Variants in NBEAL1 observed in about 807,000 individuals in gnomAD.
NBEAL1 encodes the protein neurobeachin-like protein 1.
Under a neutral mutation model 351.3 loss-of-function variants are expected in NBEAL1, and 273 were observed. That is an observed-to-expected ratio of 0.78 (90% CI 0.70 to 0.86). The LOEUF is 0.86. Among genes scored for constraint, NBEAL1 ranks in the 40% least tolerant of loss-of-function variants. NBEAL1 has a pLI of 0.00. For synonymous variants in NBEAL1, 1,050 were observed against 1,086.4 expected (o/e 0.97, Z 0.66); for missense variants, 2,961 against 3,201.3 (o/e 0.92, Z 1.81).
chr2:203,091,584 C>T (rs1168031250), intron 10 of NBEAL1, among the ~76,000 whole-genome samples: 2 of 152,078 alleles, frequency 1.3e-5, no homozygotes, highest in African/African-American at 4.8e-5. Context: ...TACATTCATA[C>T]CAACAGTGCA....
At chr2:203,111,007 G>T (rs189587539) in intron 15 of NBEAL1, among the ~76,000 whole-genome samples, 2 of 151,890 alleles carry the variant, frequency 1.3e-5, no homozygotes, top group African/African-American at 2.4e-5. Flanking sequence ...CTTGTGATCC[G>T]CCCATCTCTA....
Position 203,113,110 on chromosome 2 carries a change from C to A in NBEAL1, c.2298C>A (p.Thr766=). ...ATCCACCTTTCTCTTCTCCCATTAC[C>A]CCTCATCGGACATCATTTGGTGGAA... ...IPDPPFSSPI[T]PHRTSFGGIL... is the part of the protein sequence containing the mutation. The change falls in exon 17 of 56, where the codon ACC becomes ACA. Residue 766 remains threonine, a synonymous_variant. Coordinates refer to ENST00000683969, the MANE Select transcript of NBEAL1 (RefSeq NM_001378026.1). 1 of 1,552,884 alleles carries A rather than the reference C, an allele frequency of 6.4e-7. No homozygotes were observed. Among genetic ancestry groups the A allele is most frequent in the Non-Finnish European group, 8.7e-7 (1 of 1,147,238 alleles).
chr2:203,099,655 G>T lies in NBEAL1; in HGVS notation c.1212G>T (p.Leu404Phe), dbSNP rs1210246242. ...DQVFQGQLDC[L>F]AISTIQALTA... ...TGTTTCAGGGACAATTGGATTGTTTGGCCATATCAACCATTCAGGCTTTGA... is the reference window on the plus strand; with the variant it reads ...TGTTTCAGGGACAATTGGATTGTTTTGCCATATCAACCATTCAGGCTTTGA... Residue 404 changes from leucine to phenylalanine, a missense_variant, in exon 12 of 56, where the codon TTG becomes TTT. Physicochemically the swap from Leu to Phe is conservative, Grantham distance 22. Transcript: ENST00000683969. 2 of 1,551,290 alleles carry T rather than the reference G, an allele frequency of 1.3e-6. No individual in the cohort carries two copies. Among genetic ancestry groups the T allele is most frequent in the Non-Finnish European group, 8.7e-7 (1 of 1,146,652 alleles).
intron 17 of NBEAL1, among the ~76,000 whole-genome samples, chr2:203,114,976 T>A (rs551494465): frequency 2.6e-5 from 4 of 152,290 alleles, no homozygotes; most frequent in African/African-American, 9.6e-5. Context: ...GGTCTTGAAC[T>A]CCTGGCCTCA....
chr2:203,171,879 G>T, intron 39 of NBEAL1, 49 bp from the exon 40 acceptor site: 2 of 1,000,950 alleles, frequency 2.0e-6, no homozygotes, highest in Non-Finnish European at 3.0e-6. Context: ...CAATGTCTAA[G>T]AGATGTAGAT....
chr2:203,176,171 C>CTTTTTTTT (rs34311199), intron 42 of NBEAL1, among the ~76,000 whole-genome samples: 1 of 122,896 alleles, frequency 8.1e-6, no homozygotes, highest in African/African-American at 3.0e-5. Context: ...TTTATTGCAT[C>CTTTTTTTT]TTTTTTTTTT....
At chr2:203,140,445 T>A (rs941841749) in intron 31 of NBEAL1, among the ~76,000 whole-genome samples, 2 of 152,160 alleles carry the variant, frequency 1.3e-5, no homozygotes, top group Non-Finnish European at 2.9e-5. Context: ...TGTCATGTTT[T>A]CGGATGATTT....
Position 203,217,717 on chromosome 2 carries a change from C to T in NBEAL1, c.*363C>T. The T allele has an allele frequency of 2.1e-6, 2 of 968,732 alleles. No homozygotes were observed. Among genetic ancestry groups the T allele is most frequent in the Non-Finnish European group, 2.5e-6 (2 of 814,312 alleles). 60.0% of individuals were successfully genotyped at this position (968,732 alleles called of 1,614,324 possible). A position where few individuals can be genotyped will look rare whatever the true frequency, so the allele number is the denominator to read the frequency against. On this transcript the variant is annotated 3_prime_UTR_variant, in exon 56 of 56. Transcript: ENST00000683969. ...TGAGAGAGATGGCTTTAAATACATTCTTAAGTAATCATTTTCCTATTTACT... is the reference window on the plus strand; with the variant it reads ...TGAGAGAGATGGCTTTAAATACATTTTTAAGTAATCATTTTCCTATTTACT...
intron 4 of NBEAL1, among the ~76,000 whole-genome samples, chr2:203,052,965 G>A (rs2061347365): frequency 6.6e-6 from 1 of 151,972 alleles, no homozygotes; most frequent in African/African-American, 2.4e-5. Flanking sequence ...ACCACAGTTT[G>A]TTTATTCATT....
intron 36 of NBEAL1, among the ~76,000 whole-genome samples, chr2:203,165,841 A>G (rs2064114398): frequency 6.6e-6 from 1 of 152,100 alleles, no homozygotes; most frequent in Admixed American, 6.6e-5. Context: ...TCAGGAGATC[A>G]AAACCAGCCT....
intron 2 of NBEAL1, among the ~76,000 whole-genome samples, chr2:203,031,350 G>A (rs184760799): frequency 2.6e-4 from 39 of 152,240 alleles, no homozygotes; most frequent in African/African-American, 8.9e-4. Flanking sequence ...TATTTGCTTC[G>A]TTAATGTCAA....
At chr2:203,097,233 A>G (rs1216168454) in intron 10 of NBEAL1, among the ~76,000 whole-genome samples, 1 of 152,234 alleles carries the variant, frequency 6.6e-6, no homozygotes, top group Non-Finnish European at 1.5e-5. Context: ...GGGTGGGGAC[A>G]CAGAGCCAAA....
At chr2:203,052,844 C>T (rs2061345445) in intron 4 of NBEAL1, among the ~76,000 whole-genome samples, 1 of 151,930 alleles carries the variant, frequency 6.6e-6, no homozygotes. Context: ...CCTTGACCTC[C>T]CAAGGTGCTG....
In NBEAL1 at chr2:203,136,022, G is replaced by A; in HGVS notation, c.4159G>A (p.Glu1387Lys). The A allele has an allele frequency of 6.2e-7, 1 of 1,613,538 alleles. No homozygotes were observed. The highest frequency in any genetic ancestry group is 1.7e-5 in the Admixed American group (1 of 59,940). ...TGTGGGAGAATTGTCTTTCAAATCA[G>A]AGAATCAAGAGGAATTCTGGCATAG... Reference protein sequence around the residue: ...SSVGELSFKSENQEEFWHSNP... With the variant: ...SSVGELSFKSKNQEEFWHSNP... Residue 1387 changes from glutamate (E) to lysine (K), a missense_variant, in exon 28 of 56, where the codon GAG becomes AAG. Physicochemically the swap from Glu to Lys is moderately conservative, Grantham distance 56. Coordinates refer to ENST00000683969, the MANE Select transcript of NBEAL1 (RefSeq NM_001378026.1).
At chr2:203,185,376 A>G (rs2064864593) in intron 44 of NBEAL1, among the ~76,000 whole-genome samples, 1 of 152,184 alleles carries the variant, frequency 6.6e-6, no homozygotes, top group African/African-American at 2.4e-5. Flanking sequence ...CAGTGGCTTA[A>G]AAGTATAGCC....
rs369951181 is a variant in NBEAL1, at chr2:203,217,299, G to T, written c.8117G>T (p.Arg2706Leu). Residue 2706 changes from arginine to leucine, a missense_variant, in exon 56 of 56, where the codon CGG becomes CTG. Transcript: ENST00000683969. ...CGAAAATTTTGGGGATCGAGCAAGC[G>T]GCTCAGCCAGATTTCAGCTGGAGAA... ...LSRKFWGSSK[R>L]LSQISAGETE... 4 of 1,600,730 alleles carry T rather than the reference G, an allele frequency of 2.5e-6. No individual in the cohort carries two copies. The African/African-American group carries it at 5.4e-5, about 21-fold the overall frequency.
At chr2:203,201,137 C>T (rs2065388382) in intron 49 of NBEAL1, among the ~76,000 whole-genome samples, 2 of 152,212 alleles carry the variant, frequency 1.3e-5, no homozygotes, top group Admixed American at 1.3e-4. Flanking sequence ...CCTGATTTAT[C>T]TCCTATGCAT....
At position 203,068,483 on chromosome 2, in the gene NBEAL1, A is replaced by T; in HGVS notation, c.598+8A>T. 2.0e-6 allele frequency: 3 copies of T among 1,481,168 alleles called. No homozygotes were observed. The highest frequency in any genetic ancestry group is 2.8e-6 in the Non-Finnish European group (3 of 1,084,456). 91.8% of individuals were successfully genotyped at this position (1,481,168 alleles called of 1,614,324 possible). On this transcript the variant is annotated splice_region_variant and intron_variant, in intron 7 of 55. Transcript: ENST00000683969. ...TCGTCCCTTTCTTTTATCGTAAGTAACACCTCTAATTTCTCTTGCTATGAT... is the reference window on the plus strand; with the variant it reads ...TCGTCCCTTTCTTTTATCGTAAGTATCACCTCTAATTTCTCTTGCTATGAT...
chr2:203,038,949 G>A (rs2061082863), intron 2 of NBEAL1, among the ~76,000 whole-genome samples: 1 of 148,810 alleles, frequency 6.7e-6, no homozygotes, highest in African/African-American at 2.4e-5. Flanking sequence ...CAAAGTGCAG[G>A]GGTTACAGTC....
Sources: allele counts gnomAD v4.1 joint callset (sites outside exome capture counted in the v4.1 genomes callset), GRCh38; gene constraint gnomAD v4.1.1; transcripts MANE v1.5; gene names NCBI Gene and HGNC (gene_info 2026-07-23, HGNC 2026-07-21).